The following ATP13A3 variants were observed in gnomAD, a reference collection of about 807,000 sequenced individuals.
ATP13A3 encodes ATPase 13A3.
Under a neutral mutation model 158.1 loss-of-function variants are expected in ATP13A3, and 59 were observed. The ratio of observed to expected loss-of-function variants is 0.37; its 90% CI spans 0.30 to 0.46. The LOEUF is 0.46. Among genes scored for constraint, ATP13A3 ranks in the 20% least tolerant of loss-of-function variants. ATP13A3 has a pLI of 1.00. For synonymous variants in ATP13A3, 491 were observed against 504.3 expected (o/e 0.97, Z 0.35); for missense variants, 1,166 against 1,525.2 (o/e 0.76, Z 3.92).
chr3:194,490,022 T>C (rs1373711776), upstream of ATP13A3, among the ~76,000 whole-genome samples: 1 of 152,118 alleles, frequency 6.6e-6, no homozygotes, highest in Non-Finnish European at 1.5e-5. The surrounding 1 kb of genome is among the most constrained non-coding windows in gnomAD (Gnocchi z 4.4). Flanking sequence ...CCAACCCTGA[T>C]TGCAGCTGCA....
Position 194,486,607 on chromosome 3 carries a change from G to A in ATP13A3, c.-130C>T. Reference sequence around the variant, plus strand: ...CCGCCGCCGCGCCGCCTCCTCCGCGGCCTCCCTCGCGGCCGGACCAGCCCC... The same window carrying A: ...CCGCCGCCGCGCCGCCTCCTCCGCGACCTCCCTCGCGGCCGGACCAGCCCC... On this transcript the variant is annotated 5_prime_UTR_variant, in exon 1 of 34. Coordinates refer to ENST00000645319, the MANE Select transcript of ATP13A3 (RefSeq NM_001367549.1). 6.7e-6 allele frequency: 1 copy of A among 149,408 alleles called. No individual in the cohort carries two copies. Among genetic ancestry groups the A allele is most frequent in the Non-Finnish European group, 1.5e-5 (1 of 66,738 alleles). The allele number at this position is 149,408 out of a possible 1,614,324, so 9.3% of individuals were successfully genotyped here. A position where few individuals can be genotyped will look rare whatever the true frequency, so the allele number is the denominator to read the frequency against.
At chr3:194,445,522 G>A (rs1016473112) in intron 14 of ATP13A3, among the ~76,000 whole-genome samples, 3 of 152,162 alleles carry the variant, frequency 2.0e-5, no homozygotes, top group African/African-American at 7.2e-5. Context: ...CTGACAATGT[G>A]TTGATAACTG....
intron 20 of ATP13A3, among the ~76,000 whole-genome samples, chr3:194,435,762 C>T (rs1397821508): frequency 6.6e-6 from 1 of 152,108 alleles, no homozygotes; most frequent in African/African-American, 2.4e-5. Flanking sequence ...CAAAAATTAG[C>T]CAGGCATGGT....
intron 30 of ATP13A3, 133 bp from the exon 31 acceptor site, chr3:194,420,100 G>GT (rs1181776877): frequency 1.0e-6 from 1 of 1,004,334 alleles, no homozygotes; most frequent in East Asian, 3.5e-5. Context: ...ATGGAATAAA[G>GT]TATGTGCTCT....
rs545776838 is a variant in ATP13A3 at position 194,486,547 on chromosome 3, C to G, written c.-89+19G>C. The G allele has an allele frequency of 6.6e-6, 1 of 151,966 alleles. No homozygotes were observed. Among genetic ancestry groups the G allele is most frequent in the African/African-American group, 2.4e-5 (1 of 41,246 alleles). 9.4% of individuals were successfully genotyped at this position (151,966 alleles called of 1,614,324 possible). On this transcript the variant is annotated intron_variant, in intron 1 of 33. Transcript: ENST00000645319. ...ACCTCCCCCGGCGCCGCTGCCCACCCGCCCCTCGCCCCGCTCACCGGGGCC... is the reference window on the plus strand; with the variant it reads ...ACCTCCCCCGGCGCCGCTGCCCACCGGCCCCTCGCCCCGCTCACCGGGGCC...
rs1010151447 is a variant in ATP13A3 at position 194,448,147 on chromosome 3, G to C, written c.1151-138C>G. On this transcript the variant is annotated intron_variant, in intron 12 of 33. Coordinates refer to ENST00000645319, the MANE Select transcript of ATP13A3 (RefSeq NM_001367549.1). The surrounding 1 kb of genome is among the most constrained non-coding windows in gnomAD (Gnocchi z 4.0). ...GGCTGGAGTACAGTGGTGTGATCTC[G>C]ACTCACTGCAAGCTCCGCCTCCTGG... 2.1e-5 allele frequency: 18 copies of C among 859,986 alleles called. No homozygotes were observed. The South Asian group carries it at 2.4e-4, about 11-fold the overall frequency. 53.3% of individuals were successfully genotyped at this position (859,986 alleles called of 1,614,324 possible).
chr3:194,455,929 T>C lies in ATP13A3; in HGVS notation c.594A>G (p.Val198=). 6.4e-7 allele frequency: 1 copy of C among 1,554,948 alleles called. No homozygotes were observed. Among genetic ancestry groups the C allele is most frequent in the Non-Finnish European group, 8.8e-7 (1 of 1,142,712 alleles). The change falls in exon 8 of 34, where the codon GTA becomes GTG. Residue 198 remains valine, a synonymous_variant. Transcript: ENST00000645319. The part of the protein sequence containing the change: ...KLLYGVNEIA[V]KVPSVFKLLI... The stretch of plus-strand genomic sequence containing the variant: ...GAAGCTTAAAAACAGAAGGCACTTT[T>C]ACAGCAATTTCATTTACTCCATAAA...
chr3:194,415,957 AAATT>A (rs1715822973), intron 31 of ATP13A3, among the ~76,000 whole-genome samples: 1 of 152,228 alleles, frequency 6.6e-6, no homozygotes, highest in Admixed American at 6.5e-5. Context: ...CAAGAAAAGA[AAATT>A]AAATCTGATC....
At chr3:194,421,484 C>T (rs545503933) in intron 30 of ATP13A3, among the ~76,000 whole-genome samples, 28 of 141,522 alleles carry the variant, frequency 2.0e-4, no homozygotes, top group African/African-American at 6.2e-4. Context: ...ACACGGGAGG[C>T]GGAGCTGGCA....
At chr3:194,484,653 A>C (rs1163362649) in intron 2 of ATP13A3, among the ~76,000 whole-genome samples, 1 of 152,224 alleles carries the variant, frequency 6.6e-6, no homozygotes, top group East Asian at 1.9e-4. Flanking sequence ...AGTGGTTTAT[A>C]ATCTCGAAAA....
chr3:194,425,699 G>A (rs1035151833), intron 29 of ATP13A3, among the ~76,000 whole-genome samples, 170 bp from the exon 30 acceptor site: 7 of 152,164 alleles, frequency 4.6e-5, no homozygotes, highest in Admixed American at 3.3e-4. Flanking sequence ...AGGTACAAGA[G>A]TATGAAGGGT....
chr3:194,427,666 TAAATAAATA>T (rs1481679643), intron 28 of ATP13A3, among the ~76,000 whole-genome samples: 42 of 148,624 alleles, frequency 2.8e-4, no homozygotes, highest in African/African-American at 1.0e-3. Context: ...AATAAATAAA[TAAATAAATA>T]AATAAATAAT....
chr3:194,428,941 T>C (rs770702237), intron 27 of ATP13A3, 24 bp from the exon 28 acceptor site: 1 of 1,465,782 alleles, frequency 6.8e-7, no homozygotes, highest in Non-Finnish European at 9.4e-7. Context: ...TTTAAAAACA[T>C]TATTAGTTTT....
chr3:194,460,921 T>C, intron 3 of ATP13A3, 90 bp from the exon 4 acceptor site: 3 of 1,337,046 alleles, frequency 2.2e-6, no homozygotes, highest in East Asian at 4.8e-5. Flanking sequence ...GTTTTCCAGA[T>C]AGGTATTTAT....
At chr3:194,445,960 G>C (rs1718373095) in intron 14 of ATP13A3, among the ~76,000 whole-genome samples, 1 of 152,038 alleles carries the variant, frequency 6.6e-6, no homozygotes, top group African/African-American at 2.4e-5. Context: ...AAATCATACA[G>C]CAAACACTAA....
chr3:194,437,081 C>A lies in ATP13A3; in HGVS notation c.2120+14G>T. 1 of 1,611,380 alleles carries A rather than the reference C, an allele frequency of 6.2e-7. No homozygotes were observed. The highest frequency in any genetic ancestry group is 8.5e-7 in the Non-Finnish European group (1 of 1,179,210). ...GATGATGACTGGGAAACTAGGAAAG[C>A]CGTTCAACCTCACCTGCTAATATTC... On this transcript the variant is annotated intron_variant, in intron 20 of 33. Transcript: ENST00000645319.
intron 30 of ATP13A3, among the ~76,000 whole-genome samples, chr3:194,424,828 A>G (rs114357077): frequency 0.018 from 2,684 of 152,318 alleles, 78 homozygotes; most frequent in African/African-American, 0.062. Context: ...CAAAGATACT[A>G]GAAATGAAGA....
intron 31 of ATP13A3, 141 bp from the exon 32 acceptor site, chr3:194,413,980 GC>G: frequency 1.4e-6 from 1 of 694,032 alleles, no homozygotes; most frequent in Admixed American, 2.2e-5. Context: ...CCTCAACAAT[GC>G]CCCGCGGTAT....
intron 2 of ATP13A3, among the ~76,000 whole-genome samples, chr3:194,478,558 A>G (rs1037427641): frequency 6.6e-6 from 1 of 152,148 alleles, no homozygotes; most frequent in African/African-American, 2.4e-5. Context: ...AGTTATTTAA[A>G]CTGACTGGTG....
Sources: allele counts gnomAD v4.1 joint callset (sites outside exome capture counted in the v4.1 genomes callset), GRCh38; gene constraint gnomAD v4.1.1; non-coding constraint Gnocchi (gnomAD v3.1); transcripts MANE v1.5; gene names NCBI Gene and HGNC (gene_info 2026-07-23, HGNC 2026-07-21).